Variants in TACC2 observed in about 807,000 individuals in gnomAD.
The protein encoded by TACC2 is transforming acidic coiled-coil-containing protein 2.
In TACC2, 137 loss-of-function variants were observed where a neutral mutation model predicts 227.3. The ratio of observed to expected loss-of-function variants is 0.60; its 90% CI spans 0.52 to 0.69. The LOEUF is 0.69. Among genes scored for constraint, TACC2 ranks in the 30% least tolerant of loss-of-function variants. The pLI is 0.00. For synonymous variants in TACC2, 1,523 were observed against 1,487.5 expected, an observed-to-expected ratio of 1.02 and a Z score of -0.55; for missense variants, 3,470 against 3,694.4, an observed-to-expected ratio of 0.94 and a Z score of 1.57.
Position 122,211,364 on chromosome 10 carries a change from C to T in TACC2, c.6939C>T (p.Asn2313=), listed in dbSNP as rs2095289036. The T allele has an allele frequency of 1.2e-6, 2 of 1,613,934 alleles. No individual in the cohort carries two copies. Among genetic ancestry groups the T allele is most frequent in the South Asian group, 1.1e-5 (1 of 91,032 alleles). ...AAAAGACACCCGAGAAACTTGACAA[C>T]ACTCCTGCCTCACCTCCCAGATCCC... The part of the protein sequence containing the change: ...KMKKTPEKLD[N]TPASPPRSPA... The change falls in exon 9 of 23, where the codon AAC becomes AAT. Residue 2313 remains asparagine, a synonymous_variant. Transcript: ENST00000369005.
chr10:122,115,946 G>A (rs757956100), intron 5 of TACC2, among the ~76,000 whole-genome samples: 2 of 152,096 alleles, frequency 1.3e-5, no homozygotes, highest in Non-Finnish European at 1.5e-5. Flanking sequence ...TGCAGGGCTG[G>A]GTGCCCTCAT....
chr10:122,182,446 T>C (rs1035230179), intron 7 of TACC2, among the ~76,000 whole-genome samples: 2 of 152,176 alleles, frequency 1.3e-5, no homozygotes, highest in Non-Finnish European at 2.9e-5. Flanking sequence ...GCTTGGGATT[T>C]AGCCAACTGG....
At chr10:122,208,468 G>C (rs1252384051) in intron 8 of TACC2, among the ~76,000 whole-genome samples, 1 of 152,190 alleles carries the variant, frequency 6.6e-6, no homozygotes, top group African/African-American at 2.4e-5. Flanking sequence ...TCGGGAGCAT[G>C]AATTGCTCTG....
At chr10:122,125,710 C>T (rs1380759250) in intron 5 of TACC2, among the ~76,000 whole-genome samples, 1 of 150,610 alleles carries the variant, frequency 6.6e-6, no homozygotes, top group Non-Finnish European at 1.5e-5. Flanking sequence ...GTAAAGTCAT[C>T]ATTTTCACCT....
At chr10:122,137,635 C>T (rs867199755) in intron 6 of TACC2, among the ~76,000 whole-genome samples, 3 of 152,220 alleles carry the variant, frequency 2.0e-5, no homozygotes, top group East Asian at 1.9e-4. Context: ...CCCACCCACA[C>T]GGCTGAAAAA....
chr10:122,182,777 AG>A (rs1311719200), intron 7 of TACC2, among the ~76,000 whole-genome samples: 1 of 152,132 alleles, frequency 6.6e-6, no homozygotes, highest in Non-Finnish European at 1.5e-5. Flanking sequence ...GAGAAGAGTG[AG>A]GGGGCATGGC....
intron 9 of TACC2, chr10:122,213,449 A>G (rs929416117): frequency 5.4e-5 from 83 of 1,530,072 alleles, no homozygotes; most frequent in Non-Finnish European, 7.2e-5. Flanking sequence ...TTCTGCTTCC[A>G]AGCCATTTTT....
intron 14 of TACC2, among the ~76,000 whole-genome samples, 182 bp from the exon 15 acceptor site, chr10:122,229,164 G>A (rs1454051909): frequency 6.6e-6 from 1 of 152,064 alleles, no homozygotes; most frequent in East Asian, 1.9e-4. Flanking sequence ...CTCAAGATGT[G>A]CATTGTCAGC....
chr10:122,251,795 G>A (rs1200474791), intron 22 of TACC2, among the ~76,000 whole-genome samples: 1 of 152,254 alleles, frequency 6.6e-6, no homozygotes, highest in African/African-American at 2.4e-5. Context: ...GGTGAGAAAT[G>A]TAGCAATGTG....
chr10:122,211,603 A>T lies in TACC2; in HGVS notation c.7178A>T (p.Lys2393Ile). ...TCTAAGACCCCCAGCTCACCTTCTA[A>T]ATCCCCAGCCTCCTTTGAGATCCCA... Reference protein sequence around the residue: ...TSSKTPSSPSKSPASFEIPAS... With the variant: ...TSSKTPSSPSISPASFEIPAS... Residue 2393 changes from lysine (K) to isoleucine (I), a missense_variant, in exon 9 of 23, where the codon AAA (lysine) becomes ATA (isoleucine). Coordinates refer to ENST00000369005, the MANE Select transcript of TACC2 (RefSeq NM_206862.4). 1 of 1,613,888 alleles carries T rather than the reference A, an allele frequency of 6.2e-7. No individual in the cohort carries two copies. Among genetic ancestry groups the T allele is most frequent in the Non-Finnish European group, 8.5e-7 (1 of 1,179,940 alleles).
intron 10 of TACC2, among the ~76,000 whole-genome samples, chr10:122,216,093 T>C (rs1207098572): frequency 6.6e-6 from 1 of 152,034 alleles, no homozygotes; most frequent in African/African-American, 2.4e-5. Context: ...CTGGCCAGAG[T>C]GGGGGCAGTG....
chr10:122,067,880 T>C (rs1474875937), intron 3 of TACC2, among the ~76,000 whole-genome samples: 2 of 152,176 alleles, frequency 1.3e-5, no homozygotes, highest in African/African-American at 4.8e-5. Flanking sequence ...TACATCATAT[T>C]TGGAGATTTT....
rs757532639 is a variant in TACC2, at chr10:122,086,905, C to T, written c.4405C>T (p.Arg1469Ter). ...CACCCTTCTCCCTGCACCTCCTGCT[C>T]GACTCCAGGTGGAGAAGAAGCAACA... Reference protein sequence around the residue: ...DVTLLPAPPARLQVEKKQQLA... With the variant: ...DVTLLPAPPA Residue 1469 changes from arginine (R) to a stop codon, truncating the protein, a stop_gained, in exon 4 of 23, where the codon CGA becomes TGA. Coordinates refer to ENST00000369005, the MANE Select transcript of TACC2 (RefSeq NM_206862.4). LOFTEE classifies it high-confidence loss of function. 5.0e-6 allele frequency: 8 copies of T among 1,613,824 alleles called. No individual in the cohort carries two copies. Among genetic ancestry groups the T allele is most frequent in the South Asian group, 2.2e-5 (2 of 91,080 alleles).
At chr10:122,054,221 G>A (rs566441595) in intron 3 of TACC2, among the ~76,000 whole-genome samples, 1 of 152,320 alleles carries the variant, frequency 6.6e-6, no homozygotes, top group East Asian at 1.9e-4. Context: ...TTGCCACGTG[G>A]TGGCGCTGTT....
chr10:122,173,043 A>G (rs370556418), intron 7 of TACC2, among the ~76,000 whole-genome samples: 3 of 152,248 alleles, frequency 2.0e-5, no homozygotes, highest in African/African-American at 7.2e-5. Flanking sequence ...CAGCTTGGGT[A>G]CCTTTGGTTG....
At chr10:122,031,681 G>A (rs551415486) in intron 2 of TACC2, among the ~76,000 whole-genome samples, 4 of 151,834 alleles carry the variant, frequency 2.6e-5, no homozygotes, top group Non-Finnish European at 4.4e-5. Flanking sequence ...GGGATTACAG[G>A]CGTGAGCCAC....
intron 6 of TACC2, among the ~76,000 whole-genome samples, chr10:122,136,177 T>C (rs2089589808): frequency 6.6e-6 from 1 of 152,192 alleles, no homozygotes; most frequent in African/African-American, 2.4e-5. Context: ...CTAGAGGCAA[T>C]AATTCAGTGT....
intron 7 of TACC2, among the ~76,000 whole-genome samples, chr10:122,185,233 C>A (rs2140350537): frequency 6.9e-6 from 1 of 145,806 alleles, no homozygotes; most frequent in Admixed American, 7.0e-5. Flanking sequence ...CTCTTGTTGT[C>A]CAGGCTAGAG....
At chr10:122,184,316 G>A (rs532376153) in intron 7 of TACC2, among the ~76,000 whole-genome samples, 1 of 152,310 alleles carries the variant, frequency 6.6e-6, no homozygotes, top group East Asian at 1.9e-4. Flanking sequence ...GGGGGTGGGG[G>A]GGTGCCCTGG....
Sources: gnomAD v4.1 joint callset for allele counts (sites outside exome capture counted in the v4.1 genomes callset) on GRCh38, gnomAD v4.1.1 for gene constraint, MANE v1.5 for transcripts, NCBI Gene and HGNC (gene_info 2026-07-23, HGNC 2026-07-21) for gene names.